The following KIRREL3 variants were observed in gnomAD, a reference collection of about 807,000 sequenced individuals.
KIRREL3 encodes kirre like nephrin family adhesion molecule 3.
Under a neutral mutation model 89.7 loss-of-function variants are expected in KIRREL3, and 36 were observed. The observed-to-expected ratio is 0.40, with a 90% CI of 0.31 to 0.53. The LOEUF (loss-of-function observed/expected upper bound fraction) is 0.53, where lower values mean the gene tolerates loss of function less well. Among genes scored for constraint, KIRREL3 ranks in the 20% least tolerant of loss-of-function variants. The pLI is 0.49. For missense variants in KIRREL3, 864 were observed against 1,056.6 expected, an observed-to-expected ratio of 0.82 and a Z score of 2.53; for synonymous variants, 445 against 441.4, an observed-to-expected ratio of 1.01 and a Z score of -0.10.
chr11:126,458,020 C>T lies in KIRREL3; in HGVS notation c.743-1566G>A, dbSNP rs1956429348. 3.3e-5 allele frequency among the ~76,000 whole-genome samples: 5 copies of T among 152,060 alleles called. No individual in the cohort carries two copies. In the South Asian group the frequency reaches 1.0e-3, roughly 32 times the overall value. ...GCTGGGCTCCTGGTGGCCCCCAGGC[C>T]TCGGCACCCCCGGGGCATCCACACG... On this transcript the variant is annotated intron_variant, in intron 6 of 16. Transcript: ENST00000525144.
chr11:126,725,820 C>T (rs1388049977), intron 1 of KIRREL3, among the ~76,000 whole-genome samples: 2 of 152,186 alleles, frequency 1.3e-5, no homozygotes, highest in East Asian at 3.9e-4. Context: ...GGATTGGCCA[C>T]CAACTCACTG....
Position 126,931,102 on chromosome 11 carries a change from G to T in KIRREL3, c.55+69353C>A, listed in dbSNP as rs1279559092. The stretch of plus-strand genomic sequence containing the variant: ...GATACCCTACCTGTGAGTTCCCACA[G>T]GCCTCTATGCTCATCTCAGCATGGA... On this transcript the variant is annotated intron_variant, in intron 1 of 16. Transcript: ENST00000525144. This position sits in a 1 kb window ranked among gnomAD's most constrained non-coding sequence, Gnocchi z 5.1. 1.3e-5 allele frequency among the ~76,000 whole-genome samples: 2 copies of T among 152,198 alleles called. No individual in the cohort carries two copies. The highest frequency in any genetic ancestry group is 4.8e-5 in the African/African-American group (2 of 41,458).
chr11:126,858,380 T>C (rs1015298211), intron 1 of KIRREL3, among the ~76,000 whole-genome samples: 1 of 152,022 alleles, frequency 6.6e-6, no homozygotes, highest in Non-Finnish European at 1.5e-5. Context: ...CTGAGAAGGG[T>C]GTGTGTGGGA....
Position 126,923,298 on chromosome 11 carries a change from T to TCCTTC in KIRREL3, c.55+77156_55+77157insGAAGG, listed in dbSNP as rs1565424457. On this transcript the variant is annotated intron_variant, in intron 1 of 16. Coordinates refer to ENST00000525144, the MANE Select transcript of KIRREL3 (RefSeq NM_032531.4). ...CTCCTTCTCCTTCTCCTTCTCCTTCTTCCTTCTCCTTCTCCTTCTTCCTTC... is the reference window on the plus strand; with the variant it reads ...CTCCTTCTCCTTCTCCTTCTCCTTCTCCTTCTCCTTCTCCTTCTCCTTCTTCCTTC... Among the ~76,000 whole-genome samples, 81 of 100,762 alleles carry TCCTTC rather than the reference T, an allele frequency of 8.0e-4. 5 individuals carry two copies. The highest frequency in any genetic ancestry group is 5.1e-3 in the South Asian group (12 of 2,338). 66.1% of individuals were successfully genotyped at this position (100,762 alleles called of 152,430 possible).
chr11:126,779,008 T>A (rs765080101), intron 1 of KIRREL3, among the ~76,000 whole-genome samples: 2 of 152,212 alleles, frequency 1.3e-5, no homozygotes, highest in East Asian at 3.8e-4. Context: ...ATGCCTTCCA[T>A]GCCCAGAATT....
chr11:126,474,757 T>C lies in KIRREL3; in HGVS notation c.434-1291A>G, dbSNP rs1381275041. Among the ~76,000 whole-genome samples, 3 of 152,230 alleles carry C rather than the reference T, an allele frequency of 2.0e-5. No individual in the cohort carries two copies. Among genetic ancestry groups the C allele is most frequent in the Non-Finnish European group, 2.9e-5 (2 of 68,034 alleles). ...GTGCTGGGGAAACTCCACTGACATT[T>C]GCTGGCCCCACTGGGGTCACCCTTT... On this transcript the variant is annotated intron_variant, in intron 4 of 16. Transcript: ENST00000525144. The surrounding 1 kb of genome is among the most constrained non-coding windows in gnomAD (Gnocchi z 6.7).
At chr11:126,972,197 A>AGAGAGAGAGAGAGAGAGAGAGAGG (rs1565467613) in intron 1 of KIRREL3, among the ~76,000 whole-genome samples, 11 of 151,704 alleles carry the variant, frequency 7.3e-5, no homozygotes, top group Non-Finnish European at 2.9e-5. Context: ...AGAGAGAGAG[A>AGAGAGAGAGAGAGAGAGAGAGAGG]GAGAGAGGAC....
chr11:126,770,119 T>G (rs1297864202), intron 1 of KIRREL3, among the ~76,000 whole-genome samples: 1 of 152,052 alleles, frequency 6.6e-6, no homozygotes, highest in African/African-American at 2.4e-5. Flanking sequence ...GAACAGGTAC[T>G]GAGCAGTCCA....
rs890599800 is a variant in KIRREL3 at position 126,635,225 on chromosome 11, A to G, written c.56-72313T>C. On this transcript the variant is annotated intron_variant, in intron 1 of 16. Coordinates refer to ENST00000525144, the MANE Select transcript of KIRREL3 (RefSeq NM_032531.4). The surrounding 1 kb of genome is among the most constrained non-coding windows in gnomAD (Gnocchi z 4.0). Reference sequence around the variant, plus strand: ...CAAGTGTGGGCATTGCTTACTGCAGAGAGGCTTCCCTTCTAAATCCACTCA... The same window carrying G: ...CAAGTGTGGGCATTGCTTACTGCAGGGAGGCTTCCCTTCTAAATCCACTCA... Among the ~76,000 whole-genome samples, 18 of 152,182 alleles carry G rather than the reference A, an allele frequency of 1.2e-4. No individual in the cohort carries two copies. The highest frequency in any genetic ancestry group is 4.3e-4 in the African/African-American group (18 of 41,434).
intron 6 of KIRREL3, among the ~76,000 whole-genome samples, chr11:126,457,479 T>G (rs1025253151): frequency 1.3e-5 from 2 of 150,548 alleles, no homozygotes; most frequent in Non-Finnish European, 3.0e-5. Context: ...GTGTGTATGC[T>G]TATATGTATG....
Position 126,917,921 on chromosome 11 carries a change from G to C in KIRREL3, c.55+82534C>G, listed in dbSNP as rs555460482. ...GTAATTGTTGAACTCGATTTCACTT[G>C]GTGTGTGATGACACATCTTACAGTG... On this transcript the variant is annotated intron_variant, in intron 1 of 16. Coordinates refer to ENST00000525144, the MANE Select transcript of KIRREL3 (RefSeq NM_032531.4). The surrounding 1 kb of genome is among the most constrained non-coding windows in gnomAD (Gnocchi z 5.0). 1.3e-5 allele frequency among the ~76,000 whole-genome samples: 2 copies of C among 152,170 alleles called. No homozygotes were observed. The highest frequency in any genetic ancestry group is 4.8e-5 in the African/African-American group (2 of 41,436).
chr11:126,586,137 G>A (rs1345971497), intron 1 of KIRREL3, among the ~76,000 whole-genome samples: 1 of 152,132 alleles, frequency 6.6e-6, no homozygotes, highest in Non-Finnish European at 1.5e-5. Context: ...TGGGAGGTGA[G>A]GAATGAGCTC....
chr11:126,988,049 T>C (rs1047751451), intron 1 of KIRREL3, among the ~76,000 whole-genome samples: 10 of 152,226 alleles, frequency 6.6e-5, no homozygotes, highest in African/African-American at 2.4e-4. Flanking sequence ...ATTTTTACTA[T>C]TCTAGACTTG....
chr11:126,473,646 A>G (rs1956989620), intron 4 of KIRREL3, among the ~76,000 whole-genome samples, 180 bp from the exon 5 acceptor site: 1 of 152,204 alleles, frequency 6.6e-6, no homozygotes, highest in Non-Finnish European at 1.5e-5. Context: ...TGACATGTGC[A>G]CTGCGTGCTT....
In KIRREL3 at chr11:126,714,320, C is replaced by G. The variant is rs531629062; in HGVS notation, c.56-151408G>C. On this transcript the variant is annotated intron_variant, in intron 1 of 16. Coordinates refer to ENST00000525144, the MANE Select transcript of KIRREL3 (RefSeq NM_032531.4). The stretch of plus-strand genomic sequence containing the variant: ...TTTGTAGAAGCATGTAGACCCCTGG[C>G]TTAGAGCAGCATAAAGAGGGGAGCG... 1.1e-3 allele frequency among the ~76,000 whole-genome samples: 161 copies of G among 152,366 alleles called. 2 individuals carry two copies. The South Asian group carries it at 0.024, about 23-fold the overall frequency.
intron 5 of KIRREL3, among the ~76,000 whole-genome samples, chr11:126,469,358 T>C (rs1956818648): frequency 6.6e-6 from 1 of 152,216 alleles, no homozygotes. Context: ...TCTCTGCGGC[T>C]GATGCTCTGG....
rs1955100015 is a variant in KIRREL3 at position 126,430,772 on chromosome 11, G to A, written c.1696+647C>T. Among the ~76,000 whole-genome samples, 1 of 152,154 alleles carries A rather than the reference G, an allele frequency of 6.6e-6. No homozygotes were observed. Among genetic ancestry groups the A allele is most frequent in the Non-Finnish European group, 1.5e-5 (1 of 68,034 alleles). On this transcript the variant is annotated intron_variant, in intron 14 of 16. Transcript: ENST00000525144. The surrounding 1 kb of genome is among the most constrained non-coding windows in gnomAD (Gnocchi z 6.6). ...GAGGAGACAGGCCTGGAATAACTGTGGCTGGCCCAGGGTCATGTGGCAGAA... is the reference window on the plus strand; with the variant it reads ...GAGGAGACAGGCCTGGAATAACTGTAGCTGGCCCAGGGTCATGTGGCAGAA...
chr11:126,792,181 A>G (rs1361017785), intron 1 of KIRREL3, among the ~76,000 whole-genome samples: 1 of 152,166 alleles, frequency 6.6e-6, no homozygotes, highest in East Asian at 1.9e-4. Flanking sequence ...GTCACTCATT[A>G]GCTAGCAGAC....
chr11:126,640,336 ACACACACAGACGCGCGTGTGCGCGCG>A lies in KIRREL3; in HGVS notation c.56-77450_56-77425del, dbSNP rs1455222625. 6.6e-6 allele frequency among the ~76,000 whole-genome samples: 1 copy of A among 152,124 alleles called. No homozygotes were observed. The highest frequency in any genetic ancestry group is 1.5e-5 in the Non-Finnish European group (1 of 68,016). ...GTTGTCAAGACTAACTGAACACAAC[ACACACACAGACGCGCGTGTGCGCGCG>A]CACACACACGCACACGCGCACACAC... On this transcript the variant is annotated intron_variant, in intron 1 of 16. Coordinates refer to ENST00000525144, the MANE Select transcript of KIRREL3 (RefSeq NM_032531.4). This position sits in a 1 kb window ranked among gnomAD's most constrained non-coding sequence, Gnocchi z 4.9.
Sources: allele counts gnomAD v4.1 joint callset (sites outside exome capture counted in the v4.1 genomes callset), GRCh38; gene constraint gnomAD v4.1.1; non-coding constraint Gnocchi (gnomAD v3.1); transcripts MANE v1.5; gene names NCBI Gene and HGNC (gene_info 2026-07-23, HGNC 2026-07-21).